The following FAP variants were observed in gnomAD, a reference collection of about 807,000 sequenced individuals.
FAP encodes the protein prolyl endopeptidase FAP.
FAP carries 110 observed loss-of-function variants against 126.5 expected under a neutral mutation model. That is an observed-to-expected ratio of 0.87 (90% CI 0.74 to 1.02). FAP has a LOEUF of 1.02. Ranked by LOEUF, FAP falls within the 50% of genes least tolerant of loss-of-function variation. The pLI is 0.00. For synonymous variants in FAP, 334 were observed against 297.3 expected (o/e 1.12, Z -1.27); for missense variants, 919 against 909.2 (o/e 1.01, Z -0.14).
intron 17 of FAP, among the ~76,000 whole-genome samples, chr2:162,193,283 A>ATT (rs1215567372): frequency 6.6e-6 from 1 of 152,192 alleles, no homozygotes; most frequent in East Asian, 1.9e-4. Context: ...GGGAATCCGT[A>ATT]TTTATAATGA....
chr2:162,196,049 G>C (rs867939649), intron 16 of FAP, among the ~76,000 whole-genome samples: 2 of 152,138 alleles, frequency 1.3e-5, no homozygotes, highest in Non-Finnish European at 2.9e-5. Flanking sequence ...CTTTTGATCC[G>C]TTCCTCAGTG....
At chr2:162,215,662 C>T (rs1689133279) in intron 10 of FAP, among the ~76,000 whole-genome samples, 1 of 152,180 alleles carries the variant, frequency 6.6e-6, no homozygotes, top group Non-Finnish European at 1.5e-5. Context: ...CCCAAGTTCA[C>T]ATCTGTACAT....
chr2:162,189,917 G>C (rs1033784064), intron 17 of FAP, among the ~76,000 whole-genome samples, 163 bp from the exon 18 acceptor site: 2 of 151,954 alleles, frequency 1.3e-5, no homozygotes, highest in East Asian at 1.9e-4. Flanking sequence ...CCAGCCTTTA[G>C]AGCAGATATA....
rs1220808776 is a variant in FAP, at chr2:162,179,788, ATC to A, written c.1869+3624_1869+3625del. On this transcript the variant is annotated intron_variant, in intron 21 of 25. Transcript: ENST00000188790. The stretch of plus-strand genomic sequence containing the variant: ...TATCTATCTATCTATCTATCTATCT[ATC>A]TATATATATATATATATATATATTT... Among the ~76,000 whole-genome samples, 388 of 52,180 alleles carry A rather than the reference ATC, an allele frequency of 7.4e-3. 2 individuals carry two copies. The highest frequency in any genetic ancestry group is 0.031 in the South Asian group (30 of 966). The allele number at this position is 52,180 out of a possible 152,430, so 34.2% of individuals were successfully genotyped here.
At chr2:162,198,599 T>C (rs892771974) in intron 16 of FAP, 158 bp downstream of exon 16, 5 of 966,010 alleles carry the variant, frequency 5.2e-6, no homozygotes, top group Admixed American at 5.6e-5. Context: ...AATAATACCT[T>C]CCTATCCTCC....
chr2:162,207,281 C>T (rs1396440412), intron 12 of FAP, among the ~76,000 whole-genome samples: 1 of 152,084 alleles, frequency 6.6e-6, no homozygotes, highest in South Asian at 2.1e-4. Context: ...AAAGCAGGTG[C>T]CTTGGGAGAG....
intron 18 of FAP, 60 bp downstream of exon 18, chr2:162,189,596 A>T: frequency 2.1e-6 from 2 of 935,648 alleles, no homozygotes; most frequent in Non-Finnish European, 3.3e-6. Context: ...ATGCTTTTTT[A>T]AAAGCAAGAA....
In FAP at chr2:162,223,638, G is replaced by T; in HGVS notation, c.383C>A (p.Ala128Glu). 2 of 1,609,842 alleles carry T rather than the reference G, an allele frequency of 1.2e-6. No individual in the cohort carries two copies. Among genetic ancestry groups the T allele is most frequent in the Non-Finnish European group, 1.7e-6 (2 of 1,176,414 alleles). The change falls in exon 6 of 26, where the codon GCA (alanine) becomes GAA (glutamate). Residue 128 changes from alanine (A) to glutamate (E), a missense_variant. Physicochemically the swap from Ala to Glu is moderately radical, Grantham distance 107 (BLOSUM62 -1). Transcript: ENST00000188790. ...YSKLWRYSYT[A>E]TYYIYDLSNG... ...GCTAAGGTCATAGATGTAATATGTT[G>T]CTGTGTAAGAGTATCTCCAAAGCTG...
chr2:162,234,528 A>G (rs1047068758), intron 2 of FAP, among the ~76,000 whole-genome samples: 1 of 152,190 alleles, frequency 6.6e-6, no homozygotes, highest in African/African-American at 2.4e-5. Context: ...GTCAGTAGAA[A>G]GAGTTTTACT....
chr2:162,229,298 GCATTATCGTAACTCAT>G (rs1225537315), intron 2 of FAP, among the ~76,000 whole-genome samples: 1 of 152,032 alleles, frequency 6.6e-6, no homozygotes, highest in Non-Finnish European at 1.5e-5. Flanking sequence ...TTACCTTTTA[GCATTATCGTAACTCAT>G]CAGTATTTTT....
At position 162,202,871 on chromosome 2, in the gene FAP, C is replaced by G. The variant is rs1368792998; in HGVS notation, c.1223+1G>C. Reference sequence around the variant, plus strand: ...TGCATCGTGCTTCGTGCAATACTTACAGTGAATCCTGTGTTACTCTGAATA... The same window carrying G: ...TGCATCGTGCTTCGTGCAATACTTAGAGTGAATCCTGTGTTACTCTGAATA... On this transcript the variant is annotated splice_donor_variant, in intron 14 of 25. Transcript: ENST00000188790. LOFTEE classifies it high-confidence loss of function. The G allele has an allele frequency of 1.2e-6, 2 of 1,611,854 alleles. No individual in the cohort carries two copies. The highest frequency in any genetic ancestry group is 1.7e-6 in the Non-Finnish European group (2 of 1,178,042).
chr2:162,226,703 CT>C, intron 2 of FAP, 82 bp from the exon 3 acceptor site: 2 of 737,088 alleles, frequency 2.7e-6, no homozygotes, highest in Non-Finnish European at 2.3e-6. Context: ...TTCATCTGTT[CT>C]TTCTTATATA....
chr2:162,213,912 G>C (rs745648959), intron 11 of FAP, 26 bp downstream of exon 11: 6 of 1,603,430 alleles, frequency 3.7e-6, no homozygotes, highest in South Asian at 2.2e-5. Context: ...TCAGAAATAC[G>C]TATCTGTGAT....
chr2:162,179,812 A>ATATATAT (rs1491388012), intron 21 of FAP, among the ~76,000 whole-genome samples: 158 of 90,480 alleles, frequency 1.7e-3, no homozygotes, highest in South Asian at 4.4e-3. Context: ...ATATATATAT[A>ATATATAT]TTTTTTTTTT....
rs779613271 is a variant in FAP, at chr2:162,198,713, C to A, written c.1402+44G>T. On this transcript the variant is annotated intron_variant, in intron 16 of 25. Transcript: ENST00000188790. ...AGATAGAGGTGAGGAGGATGACAACCATGCCTGTGGGGATGCTGTGCTTAT... is the reference window on the plus strand; with the variant it reads ...AGATAGAGGTGAGGAGGATGACAACAATGCCTGTGGGGATGCTGTGCTTAT... 1.9e-6 allele frequency: 3 copies of A among 1,608,638 alleles called. No individual in the cohort carries two copies. The Admixed American group carries it at 5.0e-5, about 27-fold the overall frequency.
intron 2 of FAP, among the ~76,000 whole-genome samples, chr2:162,232,329 G>C (rs896792167): frequency 2.0e-5 from 3 of 152,170 alleles, no homozygotes; most frequent in Non-Finnish European, 4.4e-5. Flanking sequence ...AAATTAGCAA[G>C]GTGAGCTAAC....
At chr2:162,199,505 A>G (rs1039510632) in intron 15 of FAP, among the ~76,000 whole-genome samples, 1 of 152,146 alleles carries the variant, frequency 6.6e-6, no homozygotes, top group Non-Finnish European at 1.5e-5. Flanking sequence ...CTGCAGAGTC[A>G]TCTGTGTGGT....
chr2:162,187,356 T>C (rs1687897392), intron 20 of FAP, among the ~76,000 whole-genome samples: 2 of 152,098 alleles, frequency 1.3e-5, no homozygotes, highest in South Asian at 2.1e-4. Context: ...CATGCACATA[T>C]ATTCACGACT....
chr2:162,213,148 C>T (rs1172482437), intron 11 of FAP, among the ~76,000 whole-genome samples: 5 of 151,862 alleles, frequency 3.3e-5, no homozygotes, highest in East Asian at 1.9e-4. Flanking sequence ...GAGGCTGAGG[C>T]GGGTGGATCA....
Sources: allele counts gnomAD v4.1 joint callset (sites outside exome capture counted in the v4.1 genomes callset), GRCh38; gene constraint gnomAD v4.1.1; transcripts MANE v1.5; gene names NCBI Gene and HGNC (gene_info 2026-07-23, HGNC 2026-07-21).